Variants in FILIP1L observed in about 807,000 individuals in gnomAD.
FILIP1L encodes filamin A-interacting protein 1-like.
A neutral mutation model predicts 96.6 loss-of-function variants in FILIP1L; 55 were observed. That is an observed-to-expected ratio of 0.57 (90% confidence interval 0.46 to 0.71). The LOEUF is 0.71. FILIP1L is among the 30% of genes least tolerant of loss of function. The pLI is 0.00. For synonymous variants in FILIP1L, 467 were observed against 473.9 expected, an observed-to-expected ratio of 0.99 and a Z score of 0.19; for missense variants, 1,304 against 1,321.2, an observed-to-expected ratio of 0.99 and a Z score of 0.20.
At chr3:99,996,670 G>A (rs1396127295) in intron 1 of FILIP1L, among the ~76,000 whole-genome samples, 1 of 152,078 alleles carries the variant, frequency 6.6e-6, no homozygotes, top group African/African-American at 2.4e-5. Flanking sequence ...GGAGGCAAAA[G>A]GCGCTTCTTA....
chr3:99,842,934 T>TG (rs1559652376), intron 5 of FILIP1L, among the ~76,000 whole-genome samples: 1 of 152,210 alleles, frequency 6.6e-6, no homozygotes, highest in Non-Finnish European at 1.5e-5. Context: ...GCATTGCCTT[T>TG]GGGGGATGGC....
intron 1 of FILIP1L, among the ~76,000 whole-genome samples, chr3:99,947,496 G>A (rs867594008): frequency 6.6e-6 from 1 of 152,088 alleles, no homozygotes; most frequent in African/African-American, 2.4e-5. Flanking sequence ...TTTCCCTATG[G>A]ATCCAGAAGG....
At chr3:99,832,109 C>T (rs1004511852) in intron 5 of FILIP1L, among the ~76,000 whole-genome samples, 2 of 152,164 alleles carry the variant, frequency 1.3e-5, no homozygotes, top group Admixed American at 6.5e-5. Context: ...CTTGTTTCTA[C>T]ACCATTGATG....
At position 99,829,969 on chromosome 3, in the gene FILIP1L, T is replaced by C. The variant is rs1266653280; in HGVS notation, c.*445A>G. On this transcript the variant is annotated 3_prime_UTR_variant, in exon 6 of 6. Coordinates refer to ENST00000477258, the MANE Select transcript of FILIP1L (RefSeq NM_001387850.1). ...GTGTGATTTTAATTGTCCTGTCATCTTGATGGAAATAATCTGATTTTCTTG... is the reference window on the plus strand; with the variant it reads ...GTGTGATTTTAATTGTCCTGTCATCCTGATGGAAATAATCTGATTTTCTTG... Among the ~76,000 whole-genome samples, 2 of 152,360 alleles carry C rather than the reference T, an allele frequency of 1.3e-5. No homozygotes were observed. Among genetic ancestry groups the C allele is most frequent in the East Asian group, 1.9e-4 (1 of 5,188 alleles).
chr3:99,900,704 C>T (rs1706407808), intron 4 of FILIP1L, among the ~76,000 whole-genome samples: 2 of 152,206 alleles, frequency 1.3e-5, no homozygotes, highest in East Asian at 1.9e-4. Context: ...CTTTTCCACG[C>T]AAGTCTTAAG....
rs117310324 is a variant in FILIP1L, at chr3:100,023,556, G to A, written c.-11+90497C>T. On this transcript the variant is annotated intron_variant, in intron 1 of 5. Transcript: ENST00000477258. ...TATGAGACTAAAACAGTTTCTTGGG[G>A]GGAGAGAACATTTTTGTAAACAGAT... 15 of 152,696 alleles carry A rather than the reference G, an allele frequency of 9.8e-5. No individual in the cohort carries two copies. The East Asian group carries it at 2.9e-3, about 30-fold the overall frequency. The allele number at this position is 152,696 out of a possible 1,614,324, so 9.5% of individuals were successfully genotyped here. A position where few individuals can be genotyped will look rare whatever the true frequency, so the allele number is the denominator to read the frequency against.
chr3:100,053,125 TCC>T (rs1233303553), intron 1 of FILIP1L, among the ~76,000 whole-genome samples: 1 of 152,166 alleles, frequency 6.6e-6, no homozygotes, highest in Non-Finnish European at 1.5e-5. Flanking sequence ...TATATATTGC[TCC>T]AATTTGGGGC....
chr3:100,047,563 C>T (rs1393566523), intron 1 of FILIP1L, among the ~76,000 whole-genome samples: 1 of 152,200 alleles, frequency 6.6e-6, no homozygotes, highest in Non-Finnish European at 1.5e-5. Context: ...AAATAAAACA[C>T]TGGTATTACC....
At chr3:99,884,771 T>G (rs991532872) in intron 4 of FILIP1L, among the ~76,000 whole-genome samples, 1 of 152,234 alleles carries the variant, frequency 6.6e-6, no homozygotes, top group African/African-American at 2.4e-5. Flanking sequence ...TTTGTACAAT[T>G]TAACCATTGA....
chr3:99,917,967 T>C (rs1184321463), intron 4 of FILIP1L, among the ~76,000 whole-genome samples: 1 of 151,938 alleles, frequency 6.6e-6, no homozygotes, highest in Non-Finnish European at 1.5e-5. Context: ...GTTTGTTTGT[T>C]TTTTGTTTTG....
chr3:99,990,057 TTC>T lies in FILIP1L; in HGVS notation c.-10-59029_-10-59028del, dbSNP rs1464702643. On this transcript the variant is annotated intron_variant, in intron 1 of 5. Coordinates refer to ENST00000477258, the MANE Select transcript of FILIP1L (RefSeq NM_001387850.1). Reference sequence around the variant, plus strand: ...TCCCATAAAATGACTATTTTTGCAATTCTCTGTTTGCCGCTTTGTGTTTGTTT... The same window carrying T: ...TCCCATAAAATGACTATTTTTGCAATTCTGTTTGCCGCTTTGTGTTTGTTT... 2.0e-5 allele frequency among the ~76,000 whole-genome samples: 3 copies of T among 152,332 alleles called. 1 individual carries two copies. Among genetic ancestry groups the T allele is most frequent in the African/African-American group, 4.8e-5 (2 of 41,586 alleles).
chr3:99,988,997 A>AT (rs1247350379), intron 1 of FILIP1L, among the ~76,000 whole-genome samples: 5 of 152,178 alleles, frequency 3.3e-5, no homozygotes, highest in East Asian at 1.9e-4. Flanking sequence ...GAGCAGGTAC[A>AT]TTTTTTATGG....
intron 4 of FILIP1L, among the ~76,000 whole-genome samples, chr3:99,886,008 G>A (rs968745146): frequency 8.5e-5 from 13 of 152,184 alleles, no homozygotes; most frequent in Admixed American, 8.5e-4. Flanking sequence ...TGTTGATAAT[G>A]TTTGTTCACT....
chr3:100,088,464 T>A (rs961209649), intron 1 of FILIP1L, among the ~76,000 whole-genome samples: 1 of 152,258 alleles, frequency 6.6e-6, no homozygotes, highest in South Asian at 2.1e-4. Flanking sequence ...ATTTTCTGAT[T>A]GAAATTAACT....
chr3:99,834,941 T>C (rs1269543617), intron 5 of FILIP1L, among the ~76,000 whole-genome samples: 6 of 152,210 alleles, frequency 3.9e-5, no homozygotes, highest in Admixed American at 2.0e-4. Flanking sequence ...AGTAGAGATA[T>C]TGTGTAATAA....
At chr3:99,937,425 C>T (rs563822536) in intron 1 of FILIP1L, among the ~76,000 whole-genome samples, 5 of 152,278 alleles carry the variant, frequency 3.3e-5, no homozygotes, top group Admixed American at 3.3e-4. Context: ...GTGCTTTTCT[C>T]AACCACTGCT....
chr3:100,062,219 C>G (rs1007027911), intron 1 of FILIP1L, among the ~76,000 whole-genome samples: 9 of 147,920 alleles, frequency 6.1e-5, no homozygotes, highest in Non-Finnish European at 1.2e-4. Flanking sequence ...TCAGGCCATT[C>G]TCCTGCCTCA....
In FILIP1L at chr3:99,910,757, T is replaced by G. The variant is rs1559684891; in HGVS notation, c.605+13473A>C. ...ACCCATACTCTTCTCAGAACCCTCA[T>G]GCAAGAAAGTAGATAACTAGAATAT... On this transcript the variant is annotated intron_variant, in intron 4 of 5. Coordinates refer to ENST00000477258, the MANE Select transcript of FILIP1L (RefSeq NM_001387850.1). Among the ~76,000 whole-genome samples the G allele has an allele frequency of 1.3e-5, 2 of 151,606 alleles. 1 individual carries two copies. The highest frequency in any genetic ancestry group is 3.9e-4 in the East Asian group (2 of 5,180).
intron 3 of FILIP1L, among the ~76,000 whole-genome samples, chr3:99,927,372 G>GT (rs202105318): frequency 0.02 from 2,817 of 141,380 alleles, 44 homozygotes; most frequent in African/African-American, 0.025. Flanking sequence ...TTTTCTTTCT[G>GT]TTTTTTTTTT....
Sources: allele counts gnomAD v4.1 joint callset (sites outside exome capture counted in the v4.1 genomes callset), GRCh38; gene constraint gnomAD v4.1.1; transcripts MANE v1.5; gene names NCBI Gene and HGNC (gene_info 2026-07-23, HGNC 2026-07-21).